The following PCDHGA3 variants were observed in gnomAD, a reference collection of about 807,000 sequenced individuals.
PCDHGA3 encodes the protein protocadherin gamma subfamily A, 3.
In PCDHGA3, 40 loss-of-function variants were observed where a neutral mutation model predicts 58.5. The ratio of observed to expected loss-of-function variants is 0.68; its 90% CI spans 0.53 to 0.89. PCDHGA3 has a LOEUF of 0.89. Among genes scored for constraint, PCDHGA3 ranks in the 40% least tolerant of loss-of-function variants. The pLI is 0.00. For missense variants in PCDHGA3, 1,223 were observed against 1,195.9 expected (o/e 1.02, Z -0.33); for synonymous variants, 530 against 525.7 (o/e 1.01, Z -0.11).
At position 141,427,625 on chromosome 5, in the gene PCDHGA3, T is replaced by G. The variant is rs150347956; in HGVS notation, c.2425-67182T>G. On this transcript the variant is annotated intron_variant, in intron 1 of 3. Coordinates refer to ENST00000253812, the MANE Select transcript of PCDHGA3 (RefSeq NM_018916.4). Reference sequence around the variant, plus strand: ...GCATTGGTGAAGTCAACGACAATGCTCCGGTTTTCCACCAAGTCTCCTACG... The same window carrying G: ...GCATTGGTGAAGTCAACGACAATGCGCCGGTTTTCCACCAAGTCTCCTACG... The G allele has an allele frequency of 2.7e-3, 1,907 of 699,068 alleles. 5 individuals are homozygous for G. The highest frequency in any genetic ancestry group is 4.1e-3 in the Non-Finnish European group (1,558 of 384,098). The allele number at this position is 699,068 out of a possible 1,614,324, so 43.3% of individuals were successfully genotyped here.
intron 1 of PCDHGA3, chr5:141,426,945 A>G: frequency 8.8e-6 from 4 of 456,724 alleles, no homozygotes; most frequent in Non-Finnish European, 1.8e-5. Context: ...CCCAGTCCCA[A>G]CTGGCACTGC....
At position 141,490,479 on chromosome 5, in the gene PCDHGA3, C is replaced by T; in HGVS notation, c.2425-4328C>T. 11 of 1,614,216 alleles carry T rather than the reference C, an allele frequency of 6.8e-6. No homozygotes were observed. Among genetic ancestry groups the T allele is most frequent in the Non-Finnish European group, 9.3e-6 (11 of 1,180,032 alleles). ...CGCTGCTAACCAGCCAGCCTTTGGACCGGGAGGCCACATCCCACTATATCA... is the reference window on the plus strand; with the variant it reads ...CGCTGCTAACCAGCCAGCCTTTGGATCGGGAGGCCACATCCCACTATATCA... On this transcript the variant is annotated intron_variant, in intron 1 of 3. Coordinates refer to ENST00000253812, the MANE Select transcript of PCDHGA3 (RefSeq NM_018916.4). This position sits in a 1 kb window ranked among gnomAD's most constrained non-coding sequence, Gnocchi z 5.4.
At chr5:141,350,579 G>T (rs1172761775) in intron 1 of PCDHGA3, 3 of 1,614,024 alleles carry the variant, frequency 1.9e-6, no homozygotes, top group Admixed American at 1.7e-5. Flanking sequence ...CGAAACGGTC[G>T]CTGAAAACCC....
At chr5:141,366,512 G>A (rs1764605826) in intron 1 of PCDHGA3, 1 of 1,614,288 alleles carries the variant, frequency 6.2e-7, no homozygotes, top group Non-Finnish European at 8.5e-7. Context: ...GCTTCAGGCT[G>A]AAGGCAGCAG....
intron 1 of PCDHGA3, chr5:141,424,652 G>T (rs1392693867): frequency 6.6e-6 from 1 of 152,120 alleles, no homozygotes; most frequent in East Asian, 1.9e-4. Context: ...AAGGTATTTG[G>T]ACTTTAATTA....
At chr5:141,376,262 G>A (rs1417719002) in intron 1 of PCDHGA3, 2 of 1,614,108 alleles carry the variant, frequency 1.2e-6, no homozygotes, top group Admixed American at 1.7e-5. Context: ...CCTGCTGCAG[G>A]CTTCGGGAGG....
chr5:141,375,943 C>T lies in PCDHGA3; in HGVS notation c.2424+29486C>T, dbSNP rs111303338. 3.8e-3 allele frequency: 6,199 copies of T among 1,613,582 alleles called. 67 individuals are homozygous for T. Among genetic ancestry groups the T allele is most frequent in the African/African-American group, 0.036 (2,673 of 75,052 alleles). ...GCGAGCCAGGACTTTTCTCAGTGGG[C>T]CTGCACACGGGCGAGGTGCGCACGG... On this transcript the variant is annotated intron_variant, in intron 1 of 3. Coordinates refer to ENST00000253812, the MANE Select transcript of PCDHGA3 (RefSeq NM_018916.4).
intron 1 of PCDHGA3, among the ~76,000 whole-genome samples, chr5:141,492,474 G>T (rs2099741007): frequency 6.6e-6 from 1 of 152,218 alleles, no homozygotes; most frequent in African/African-American, 2.4e-5. Context: ...CCCAGATCGC[G>T]GCCGCCCAGG....
Position 141,490,575 on chromosome 5 carries a change from A to G in PCDHGA3, c.2425-4232A>G. 2 of 1,614,140 alleles carry G rather than the reference A, an allele frequency of 1.2e-6. No individual in the cohort carries two copies. The highest frequency in any genetic ancestry group is 2.2e-5 in the East Asian group (1 of 44,876). Reference sequence around the variant, plus strand: ...ATCTCACCATCAGGCTCAACATTTCAGATGTCAATGACAATGCACCCCGCT... The same window carrying G: ...ATCTCACCATCAGGCTCAACATTTCGGATGTCAATGACAATGCACCCCGCT... On this transcript the variant is annotated intron_variant, in intron 1 of 3. Transcript: ENST00000253812. This position sits in a 1 kb window ranked among gnomAD's most constrained non-coding sequence, Gnocchi z 5.4.
intron 1 of PCDHGA3, among the ~76,000 whole-genome samples, chr5:141,435,314 G>C (rs1490871069): frequency 6.6e-6 from 1 of 152,006 alleles, no homozygotes; most frequent in African/African-American, 2.4e-5. Flanking sequence ...AATCATTCAT[G>C]AACTTCCAAA....
At chr5:141,385,118 T>C in intron 1 of PCDHGA3, 1 of 1,614,216 alleles carries the variant, frequency 6.2e-7, no homozygotes. Context: ...ACCTCGCACT[T>C]TGTGGGCATG....
At chr5:141,352,394 CGA>C (rs776094293) in intron 1 of PCDHGA3, 1 of 1,613,932 alleles carries the variant, frequency 6.2e-7, no homozygotes. Flanking sequence ...CCTGCGCCTG[CGA>C]CGTTCCTCCA....
chr5:141,448,704 G>A (rs1272148301), intron 1 of PCDHGA3, among the ~76,000 whole-genome samples: 1 of 152,134 alleles, frequency 6.6e-6, no homozygotes. Flanking sequence ...ACTTTGGGAG[G>A]CCGAGGCGGG....
chr5:141,426,371 C>T (rs987346395), intron 1 of PCDHGA3: 4 of 217,048 alleles, frequency 1.8e-5, no homozygotes, highest in African/African-American at 9.0e-5. Context: ...TGCGGGGCAC[C>T]CTCGGAGCAG....
chr5:141,477,438 C>A lies in PCDHGA3; in HGVS notation c.2425-17369C>A, dbSNP rs1386997844. The A allele has an allele frequency of 3.1e-6, 5 of 1,614,174 alleles. No individual in the cohort carries two copies. The Admixed American group carries it at 6.7e-5, about 22-fold the overall frequency. On this transcript the variant is annotated intron_variant, in intron 1 of 3. Coordinates refer to ENST00000253812, the MANE Select transcript of PCDHGA3 (RefSeq NM_018916.4). The surrounding 1 kb of genome is among the most constrained non-coding windows in gnomAD (Gnocchi z 4.9). ...GGAACCCCTTCCCTCTCAGCCCTTA[C>A]AATAGTGCGTGTTCAAGTGTCCGAC...
Position 141,494,855 on chromosome 5 carries a change from G to A in PCDHGA3, c.2473G>A (p.Gly825Ser), listed in dbSNP as rs200418116. The A allele has an allele frequency of 4.8e-4, 774 of 1,614,092 alleles. 7 individuals carry two copies. The South Asian group carries it at 5.1e-3, about 11-fold the overall frequency. ...GCGTTTCTCTCAGGCCCAGAGACCC[G>A]GCACCAGCGGGTAGGTGACTGATTC... is the stretch of plus-strand genomic sequence containing the variant. ...DWRFSQAQRP[G>S]TSGSQNGDDT... Residue 825 changes from glycine (G) to serine (S), a missense_variant, in exon 2 of 4, where the codon GGC becomes AGC. This residue lies in a region of PCDHGA3 where 325 missense variants were observed against 327.5 expected (regional missense o/e 0.99). Coordinates refer to ENST00000253812, the MANE Select transcript of PCDHGA3 (RefSeq NM_018916.4).
chr5:141,408,878 G>A lies in PCDHGA3; in HGVS notation c.2424+62421G>A. The stretch of plus-strand genomic sequence containing the variant: ...AGGGGACCCACCAAGAAGTGCCACC[G>A]CTCACATAGAAATTTCTGTCAAGGA... On this transcript the variant is annotated intron_variant, in intron 1 of 3. Coordinates refer to ENST00000253812, the MANE Select transcript of PCDHGA3 (RefSeq NM_018916.4). 1.9e-6 allele frequency: 3 copies of A among 1,613,048 alleles called. No homozygotes were observed. Among genetic ancestry groups the A allele is most frequent in the Non-Finnish European group, 1.7e-6 (2 of 1,179,590 alleles).
At chr5:141,370,837 C>G (rs1212771531) in intron 1 of PCDHGA3, 1 of 1,614,004 alleles carries the variant, frequency 6.2e-7, no homozygotes, top group Non-Finnish European at 8.5e-7. Context: ...CTGGCTCTCA[C>G]TGGAGCCACA....
chr5:141,438,685 G>A (rs2098051190), intron 1 of PCDHGA3, among the ~76,000 whole-genome samples: 1 of 143,314 alleles, frequency 7.0e-6, no homozygotes, highest in Non-Finnish European at 1.5e-5. Context: ...GTAGGGGATG[G>A]AGTCTTGCTC....
Sources: allele counts gnomAD v4.1 joint callset (sites outside exome capture counted in the v4.1 genomes callset), GRCh38; gene constraint gnomAD v4.1.1; regional missense constraint gnomAD v4.1.1; non-coding constraint Gnocchi (gnomAD v3.1); transcripts MANE v1.5; gene names NCBI Gene and HGNC (gene_info 2026-07-23, HGNC 2026-07-21).